Variants in ZFPM2 observed in about 807,000 individuals in gnomAD.
ZFPM2 encodes the protein zinc finger protein ZFPM2.
In ZFPM2, 20 loss-of-function variants were observed where a neutral mutation model predicts 98.6. The ratio of observed to expected loss-of-function variants is 0.20; its 90% CI spans 0.14 to 0.29. The LOEUF (loss-of-function observed/expected upper bound fraction) is 0.29. Among genes scored for constraint, ZFPM2 ranks in the 10% least tolerant of loss-of-function variants. ZFPM2 has a pLI of 1.00. For missense variants in ZFPM2, 1,310 were observed against 1,388.6 expected (o/e 0.94, Z 0.90); for synonymous variants, 518 against 502.7 (o/e 1.03, Z -0.41).
chr8:105,603,745 GTT>G (rs1389474006), intron 4 of ZFPM2, among the ~76,000 whole-genome samples: 1 of 151,990 alleles, frequency 6.6e-6, no homozygotes, highest in Admixed American at 6.6e-5. Context: ...TTCTTCATCA[GTT>G]TTTTAAGAAA....
rs759832613 is a variant in ZFPM2, at chr8:105,586,019, G to A, written c.420+24538G>A. ...GGGGAAGGGGTGTGTGTGTGTGTGT[G>A]TGTGTGTGTGTGTGTGTGTGTATGC... On this transcript the variant is annotated intron_variant, in intron 4 of 7. Transcript: ENST00000407775. 2.8e-3 allele frequency among the ~76,000 whole-genome samples: 425 copies of A among 151,418 alleles called. 3 individuals are homozygous for A. The highest frequency in any genetic ancestry group is 5.2e-3 in the Non-Finnish European group (355 of 67,816).
intron 3 of ZFPM2, among the ~76,000 whole-genome samples, chr8:105,469,890 G>A (rs746172806): frequency 2.3e-4 from 35 of 152,078 alleles, no homozygotes; most frequent in Non-Finnish European, 4.6e-4. Context: ...CATATAAAGG[G>A]CATAACAAAG....
intron 1 of ZFPM2, among the ~76,000 whole-genome samples, chr8:105,339,182 A>T (rs1812380993): frequency 6.6e-6 from 1 of 151,834 alleles, no homozygotes; most frequent in South Asian, 2.1e-4. Context: ...CACTTATGAC[A>T]TTTCAGCCCC....
At chr8:105,499,884 G>A (rs367612602) in intron 3 of ZFPM2, among the ~76,000 whole-genome samples, 1 of 152,182 alleles carries the variant, frequency 6.6e-6, no homozygotes, top group African/African-American at 2.4e-5. Context: ...GACAGGATTA[G>A]AGTCAAGGCT....
chr8:105,335,854 G>A (rs544973234), intron 1 of ZFPM2, among the ~76,000 whole-genome samples: 6 of 151,872 alleles, frequency 4.0e-5, no homozygotes, highest in South Asian at 2.1e-4. Context: ...GGCCTGCTAC[G>A]TGCAGCGTAT....
At chr8:105,601,597 G>A (rs143398255) in intron 4 of ZFPM2, among the ~76,000 whole-genome samples, 192 of 152,142 alleles carry the variant, frequency 1.3e-3, no homozygotes, top group African/African-American at 4.4e-3. Flanking sequence ...CCCAGGTTTG[G>A]ATGTAACCTT....
chr8:105,507,606 G>A (rs1813729615), intron 3 of ZFPM2, among the ~76,000 whole-genome samples: 1 of 152,202 alleles, frequency 6.6e-6, no homozygotes, highest in Admixed American at 6.5e-5. Context: ...TGAATGTCAT[G>A]TGCCCTTAGG....
At chr8:105,410,180 C>T (rs746958837) in intron 1 of ZFPM2, among the ~76,000 whole-genome samples, 8 of 151,820 alleles carry the variant, frequency 5.3e-5, no homozygotes, top group East Asian at 3.9e-4. Flanking sequence ...GACTAAAACC[C>T]GATGCTAAAT....
At chr8:105,566,509 G>A (rs2130710742) in intron 4 of ZFPM2, among the ~76,000 whole-genome samples, 1 of 152,232 alleles carries the variant, frequency 6.6e-6, no homozygotes, top group East Asian at 1.9e-4. Flanking sequence ...TTTATATGTT[G>A]TACCTTTGAA....
chr8:105,366,277 C>A (rs576096190), intron 1 of ZFPM2, among the ~76,000 whole-genome samples: 46 of 152,242 alleles, frequency 3.0e-4, no homozygotes, highest in Non-Finnish European at 4.7e-4. Context: ...GACTTTTCAT[C>A]TGTACTAGGG....
intron 5 of ZFPM2, among the ~76,000 whole-genome samples, chr8:105,710,599 A>T (rs1229384145): frequency 2.0e-5 from 3 of 152,048 alleles, no homozygotes; most frequent in African/African-American, 7.2e-5. Flanking sequence ...GAAAATATAA[A>T]TTTATTTTAA....
chr8:105,521,578 ACTTT>A (rs1312665666), intron 3 of ZFPM2, among the ~76,000 whole-genome samples: 5 of 151,192 alleles, frequency 3.3e-5, no homozygotes, highest in Admixed American at 6.6e-5. Flanking sequence ...ACAATGTGAA[ACTTT>A]CTTTTTTTTT....
intron 5 of ZFPM2, among the ~76,000 whole-genome samples, chr8:105,747,860 A>T (rs1381754265): frequency 6.6e-6 from 1 of 152,132 alleles, no homozygotes; most frequent in African/African-American, 2.4e-5. Context: ...AAGTGGAACC[A>T]ATTAATGCAT....
At chr8:105,708,793 A>G (rs1811318693) in intron 5 of ZFPM2, among the ~76,000 whole-genome samples, 1 of 152,158 alleles carries the variant, frequency 6.6e-6, no homozygotes, top group Non-Finnish European at 1.5e-5. Flanking sequence ...ATATAGAAAC[A>G]TTGAGTAGGA....
intron 1 of ZFPM2, among the ~76,000 whole-genome samples, chr8:105,393,550 C>G (rs75099467): frequency 0.026 from 3,921 of 152,092 alleles, 159 homozygotes; most frequent in African/African-American, 0.089. Context: ...CCTTTTTCTT[C>G]CTGTATAATG....
At chr8:105,735,943 A>T (rs1812060700) in intron 5 of ZFPM2, among the ~76,000 whole-genome samples, 1 of 152,018 alleles carries the variant, frequency 6.6e-6, no homozygotes, top group South Asian at 2.1e-4. Context: ...CAAAAATTTA[A>T]CGCGGCTATA....
At chr8:105,754,137 TG>T (rs901356839) in intron 5 of ZFPM2, among the ~76,000 whole-genome samples, 5 of 152,034 alleles carry the variant, frequency 3.3e-5, no homozygotes, top group African/African-American at 1.2e-4. Context: ...CCTAGTGAGA[TG>T]GGTGGGGTTT....
chr8:105,577,076 T>A (rs973581348), intron 4 of ZFPM2, among the ~76,000 whole-genome samples: 1 of 152,166 alleles, frequency 6.6e-6, no homozygotes, highest in Non-Finnish European at 1.5e-5. Context: ...TATTAAAATG[T>A]ATTTCTTTCT....
chr8:105,663,621 C>G (rs868263754), intron 5 of ZFPM2, among the ~76,000 whole-genome samples: 12 of 152,152 alleles, frequency 7.9e-5, no homozygotes, highest in South Asian at 4.1e-4. Flanking sequence ...TATTGCACTT[C>G]TCAAAGGACA....
Sources: gnomAD v4.1 joint callset for allele counts (sites outside exome capture counted in the v4.1 genomes callset) on GRCh38, gnomAD v4.1.1 for gene constraint, MANE v1.5 for transcripts, NCBI Gene and HGNC (gene_info 2026-07-23, HGNC 2026-07-21) for gene names.